Variants in SKAP2 observed in about 807,000 individuals in gnomAD.
SKAP2 encodes src kinase associated phosphoprotein 2, also known as src kinase-associated phosphoprotein 2.
In SKAP2, 28 loss-of-function variants were observed where a neutral mutation model predicts 54.9. The observed-to-expected ratio is 0.51, with a 90% confidence interval of 0.38 to 0.70. SKAP2 has a LOEUF of 0.70. SKAP2 is among the 30% of genes least tolerant of loss of function. The pLI is 0.00. For missense variants in SKAP2, 356 were observed against 424.1 expected, an observed-to-expected ratio of 0.84 and a Z score of 1.41; for synonymous variants, 137 against 134.3, an observed-to-expected ratio of 1.02 and a Z score of -0.14.
chr7:26,826,260 C>A (rs1784493327), intron 4 of SKAP2, among the ~76,000 whole-genome samples: 1 of 152,154 alleles, frequency 6.6e-6, no homozygotes, highest in African/African-American at 2.4e-5. Flanking sequence ...TAAGAAGCTG[C>A]TGGTGGGTGG....
At chr7:26,787,030 G>C (rs1783561819) in intron 4 of SKAP2, among the ~76,000 whole-genome samples, 1 of 152,116 alleles carries the variant, frequency 6.6e-6, no homozygotes, top group Non-Finnish European at 1.5e-5. Context: ...CTAAAGCCTT[G>C]AAGTTCTCAA....
At chr7:26,748,807 CACA>C (rs1463027729) in intron 4 of SKAP2, among the ~76,000 whole-genome samples, 2 of 151,832 alleles carry the variant, frequency 1.3e-5, no homozygotes, top group African/African-American at 4.8e-5. Context: ...CATCTCTTTC[CACA>C]ACAAAAGTGC....
intron 4 of SKAP2, among the ~76,000 whole-genome samples, chr7:26,829,540 G>A (rs2127992122): frequency 6.6e-6 from 1 of 152,030 alleles, no homozygotes; most frequent in South Asian, 2.1e-4. Context: ...GCAAGACTCT[G>A]GCTCAAAACA....
chr7:26,790,376 A>G (rs1487405777), intron 4 of SKAP2, among the ~76,000 whole-genome samples: 1 of 152,236 alleles, frequency 6.6e-6, no homozygotes, highest in Non-Finnish European at 1.5e-5. Context: ...GCTACACAAC[A>G]TGAAATCATC....
chr7:26,683,541 G>GAAGGAAGGAAGGAAGA (rs1562574184), intron 11 of SKAP2, among the ~76,000 whole-genome samples: 1 of 143,636 alleles, frequency 7.0e-6, no homozygotes, highest in Non-Finnish European at 1.5e-5. Context: ...TGGATGGAAG[G>GAAGGAAGGAAGGAAGA]AAGGAAGGAA....
Position 26,844,026 on chromosome 7 carries a change from A to G in SKAP2, c.307+4T>C, listed in dbSNP as rs377403848. On this transcript the variant is annotated splice_donor_region_variant and intron_variant, in intron 4 of 12. Transcript: ENST00000345317. ...TCAGAGTTACGTGGGAAAATGTCAC[A>G]TACCATCAGAGGGGGCTTCATCGTC... 7.0e-5 allele frequency: 109 copies of G among 1,563,922 alleles called. 1 individual carries two copies. In the African/African-American group the frequency reaches 1.0e-3, roughly 14 times the overall value.
intron 9 of SKAP2, among the ~76,000 whole-genome samples, chr7:26,701,419 T>C (rs764723250): frequency 6.6e-6 from 1 of 152,218 alleles, no homozygotes; most frequent in Non-Finnish European, 1.5e-5. Context: ...ATTTCAATTG[T>C]TGATGGATAC....
chr7:26,842,671 TAC>T (rs35569646), intron 4 of SKAP2, among the ~76,000 whole-genome samples: 26,083 of 151,764 alleles, frequency 0.17, 2,786 homozygotes, highest in Non-Finnish European at 0.23. Context: ...ACCAACATTT[TAC>T]AGAGAAATAA....
chr7:26,781,697 C>A (rs1333892389), intron 4 of SKAP2, among the ~76,000 whole-genome samples: 3 of 152,152 alleles, frequency 2.0e-5, no homozygotes, highest in Non-Finnish European at 4.4e-5. Flanking sequence ...ATTTTTGATA[C>A]CTCCCTTTGC....
At chr7:26,809,408 C>T (rs1784092074) in intron 4 of SKAP2, among the ~76,000 whole-genome samples, 1 of 150,142 alleles carries the variant, frequency 6.7e-6, no homozygotes, top group South Asian at 2.1e-4. Flanking sequence ...AGCAAAACTT[C>T]GTTTCACAAG....
At chr7:26,677,768 A>G (rs1562572219) in intron 11 of SKAP2, among the ~76,000 whole-genome samples, 1 of 152,220 alleles carries the variant, frequency 6.6e-6, no homozygotes, top group Non-Finnish European at 1.5e-5. Flanking sequence ...CTTGAATAAC[A>G]GTTTGTGGCT....
chr7:26,775,952 C>T (rs752016157), intron 4 of SKAP2, among the ~76,000 whole-genome samples: 2 of 151,974 alleles, frequency 1.3e-5, no homozygotes, highest in Non-Finnish European at 2.9e-5. Flanking sequence ...GAGTAGTTTG[C>T]TTCTCTACTT....
At chr7:26,756,786 A>C (rs1782804203) in intron 4 of SKAP2, among the ~76,000 whole-genome samples, 1 of 152,236 alleles carries the variant, frequency 6.6e-6, no homozygotes, top group Admixed American at 6.5e-5. Flanking sequence ...ACTAGTTTAC[A>C]GTCCCACCAA....
intron 3 of SKAP2, among the ~76,000 whole-genome samples, chr7:26,845,294 A>T: frequency 6.6e-6 from 1 of 152,164 alleles, no homozygotes; most frequent in Non-Finnish European, 1.5e-5. Context: ...TTGTTACCAC[A>T]TTTTTGGTAG....
chr7:26,761,459 T>C (rs2127970980), intron 4 of SKAP2, among the ~76,000 whole-genome samples: 1 of 152,350 alleles, frequency 6.6e-6, no homozygotes, highest in African/African-American at 2.4e-5. Context: ...CTTTTTCAGA[T>C]ACTAAGCAAA....
At chr7:26,854,631 G>C (rs999550609) in intron 2 of SKAP2, among the ~76,000 whole-genome samples, 154 bp downstream of exon 2, 1 of 151,942 alleles carries the variant, frequency 6.6e-6, no homozygotes, top group Admixed American at 6.6e-5. Flanking sequence ...AAACTATATA[G>C]TGGAAATATA....
intron 4 of SKAP2, among the ~76,000 whole-genome samples, chr7:26,749,086 A>C (rs183083184): frequency 6.6e-6 from 1 of 152,298 alleles, no homozygotes; most frequent in Admixed American, 6.5e-5. Context: ...ATTTGCCACA[A>C]GTCCATTGTT....
At chr7:26,792,043 A>G (rs560772681) in intron 4 of SKAP2, among the ~76,000 whole-genome samples, 2 of 152,384 alleles carry the variant, frequency 1.3e-5, no homozygotes, top group South Asian at 4.1e-4. Flanking sequence ...ATGAAACAAC[A>G]TGGATGAATT....
intron 4 of SKAP2, among the ~76,000 whole-genome samples, chr7:26,741,355 G>C (rs775137851): frequency 1.3e-5 from 2 of 151,628 alleles, no homozygotes; most frequent in African/African-American, 4.8e-5. Context: ...CCATCTCTAC[G>C]AAAAATTTAA....
Sources: gnomAD v4.1 joint callset for allele counts (sites outside exome capture counted in the v4.1 genomes callset) on GRCh38, gnomAD v4.1.1 for gene constraint, MANE v1.5 for transcripts, NCBI Gene and HGNC (gene_info 2026-07-23, HGNC 2026-07-21) for gene names.